The following MAGI1 variants were observed in gnomAD, a reference collection of about 807,000 sequenced individuals.
MAGI1 encodes membrane-associated guanylate kinase, WW and PDZ domain-containing protein 1.
In MAGI1, 58 loss-of-function variants were observed where a neutral mutation model predicts 139.9. That is an observed-to-expected ratio of 0.41 (90% CI 0.34 to 0.52). The LOEUF (loss-of-function observed/expected upper bound fraction) is 0.52, where lower values mean the gene tolerates loss of function less well. Among genes scored for constraint, MAGI1 ranks in the 20% least tolerant of loss-of-function variants. The probability of loss-of-function intolerance (pLI) is 0.12; values close to 1 mark genes in which losing one functional copy is unlikely to be tolerated. For synonymous variants in MAGI1, 812 were observed against 737.9 expected, an observed-to-expected ratio of 1.10 and a Z score of -1.63; for missense variants, 1,874 against 1,901.6, an observed-to-expected ratio of 0.99 and a Z score of 0.27.
chr3:65,979,094 C>CCCCCA (rs1553742285), intron 1 of MAGI1, among the ~76,000 whole-genome samples: 1 of 53,018 alleles, frequency 1.9e-5, no homozygotes, highest in Non-Finnish European at 4.5e-5. Context: ...TTCTTCCCCC[C>CCCCCA]CCCCGCCACC....
chr3:65,600,336 C>A (rs952288970), intron 2 of MAGI1, among the ~76,000 whole-genome samples: 5 of 152,100 alleles, frequency 3.3e-5, no homozygotes, highest in African/African-American at 9.7e-5. Context: ...AGAAAAATAG[C>A]CGTCATTTTG....
intron 1 of MAGI1, among the ~76,000 whole-genome samples, chr3:65,672,033 C>A (rs1329760190): frequency 6.6e-6 from 1 of 152,084 alleles, no homozygotes; most frequent in African/African-American, 2.4e-5. Context: ...AACTGAATCC[C>A]AAATTGGAGA....
At chr3:65,766,107 T>C (rs1050453991) in intron 1 of MAGI1, among the ~76,000 whole-genome samples, 1 of 152,202 alleles carries the variant, frequency 6.6e-6, no homozygotes, top group Non-Finnish European at 1.5e-5. Flanking sequence ...CTTCCTAACA[T>C]ATTTGGTATT....
intron 12 of MAGI1, among the ~76,000 whole-genome samples, chr3:65,419,077 G>C (rs1946443407): frequency 6.6e-6 from 1 of 152,118 alleles, no homozygotes; most frequent in South Asian, 2.1e-4. Context: ...TCAGGGTTCT[G>C]TCTTGCACTT....
At chr3:65,953,787 A>G (rs1226137048) in intron 1 of MAGI1, among the ~76,000 whole-genome samples, 1 of 152,232 alleles carries the variant, frequency 6.6e-6, no homozygotes, top group African/African-American at 2.4e-5. Flanking sequence ...TAAAATGCCA[A>G]CCACTGAAAG....
intron 2 of MAGI1, among the ~76,000 whole-genome samples, chr3:65,555,428 T>C (rs1057196325): frequency 4.7e-4 from 71 of 152,376 alleles, no homozygotes; most frequent in Non-Finnish European, 8.4e-4. Context: ...ATATGGCTCC[T>C]GTTCTCTGCC....
chr3:65,847,198 C>A (rs1163436411), intron 1 of MAGI1, among the ~76,000 whole-genome samples: 1 of 152,038 alleles, frequency 6.6e-6, no homozygotes, highest in Non-Finnish European at 1.5e-5. Flanking sequence ...CATGACAAAT[C>A]ACAAATCAGA....
intron 2 of MAGI1, among the ~76,000 whole-genome samples, chr3:65,586,466 G>A (rs1400873583): frequency 1.3e-5 from 2 of 152,272 alleles, no homozygotes; most frequent in South Asian, 2.1e-4. Context: ...TTTGAATGAA[G>A]TGGTAGTTAC....
rs1305836730 is a variant in MAGI1, at chr3:65,762,654, T to C, written c.314-140566A>G. On this transcript the variant is annotated intron_variant, in intron 1 of 22. Coordinates refer to ENST00000402939, the MANE Select transcript of MAGI1 (RefSeq NM_001033057.2). ...TTGTTTCTATTTGTTTCTTTAGTTA[T>C]ATAACATGGGTGTGTTATTATAGGT... Among the ~76,000 whole-genome samples, 5 of 152,346 alleles carry C rather than the reference T, an allele frequency of 3.3e-5. No homozygotes were observed. The South Asian group carries it at 6.2e-4, about 19-fold the overall frequency.
intron 2 of MAGI1, among the ~76,000 whole-genome samples, chr3:65,506,625 C>A (rs899549300): frequency 1.3e-5 from 2 of 152,046 alleles, no homozygotes; most frequent in African/African-American, 4.8e-5. Context: ...CTATAAATAC[C>A]CTCATTCTAG....
chr3:65,805,060 T>C (rs183666233), intron 1 of MAGI1, among the ~76,000 whole-genome samples: 1 of 152,190 alleles, frequency 6.6e-6, no homozygotes, highest in African/African-American at 2.4e-5. Flanking sequence ...TCAAAAACAA[T>C]TGTGAACAAA....
intron 5 of MAGI1, among the ~76,000 whole-genome samples, chr3:65,469,136 A>T (rs567329048): frequency 6.6e-6 from 1 of 152,290 alleles, no homozygotes; most frequent in African/African-American, 2.4e-5. Flanking sequence ...CTTGATCTAC[A>T]TATTAACAGA....
chr3:65,484,433 G>A (rs1951492194), intron 3 of MAGI1, among the ~76,000 whole-genome samples: 1 of 152,210 alleles, frequency 6.6e-6, no homozygotes, highest in African/African-American at 2.4e-5. Flanking sequence ...TTTTCAACGG[G>A]GCAATATCAC....
At chr3:65,831,873 G>A (rs1466295585) in intron 1 of MAGI1, among the ~76,000 whole-genome samples, 1 of 152,204 alleles carries the variant, frequency 6.6e-6, no homozygotes, top group Non-Finnish European at 1.5e-5. Context: ...CACCACATAT[G>A]TGGGCCACAA....
chr3:65,949,675 T>C (rs1258212867), intron 1 of MAGI1, among the ~76,000 whole-genome samples: 1 of 152,200 alleles, frequency 6.6e-6, no homozygotes, highest in Non-Finnish European at 1.5e-5. Flanking sequence ...GTCTACTTAC[T>C]GGTAGGATCT....
At chr3:65,509,829 G>A (rs548891127) in intron 2 of MAGI1, among the ~76,000 whole-genome samples, 1,959 of 152,184 alleles carry the variant, frequency 0.013, 40 homozygotes, top group African/African-American at 0.044. Context: ...GCCTGCCTCT[G>A]TAGGCTCCAC....
intron 1 of MAGI1, among the ~76,000 whole-genome samples, chr3:65,781,021 C>T (rs1347153340): frequency 2.6e-5 from 4 of 152,126 alleles, no homozygotes; most frequent in African/African-American, 7.2e-5. Flanking sequence ...CATAGTGAAA[C>T]CCCATCTCTA....
At chr3:66,018,119 G>C (rs116225318) in intron 1 of MAGI1, among the ~76,000 whole-genome samples, 3 of 132,340 alleles carry the variant, frequency 2.3e-5, no homozygotes, top group African/African-American at 5.2e-5. Context: ...TTGGTGGGGG[G>C]GGGGGGTGTC....
chr3:65,868,731 T>C (rs943929494), intron 1 of MAGI1, among the ~76,000 whole-genome samples: 1 of 152,114 alleles, frequency 6.6e-6, no homozygotes, highest in African/African-American at 2.4e-5. Context: ...CAAGAACCAT[T>C]CCTACATGAC....
Sources: allele counts gnomAD v4.1 joint callset (sites outside exome capture counted in the v4.1 genomes callset), GRCh38; gene constraint gnomAD v4.1.1; transcripts MANE v1.5; gene names NCBI Gene and HGNC (gene_info 2026-07-23, HGNC 2026-07-21).